Variants in DCAF8L2 observed in about 807,000 individuals in gnomAD.
DCAF8L2 encodes the protein DDB1- and CUL4-associated factor 8-like protein 2.
For synonymous variants in DCAF8L2, 200 were observed against 190.9 expected (o/e 1.05, Z -0.39); for missense variants, 430 against 490.7 (o/e 0.88, Z 1.17).
intron 4 of DCAF8L2, among the ~76,000 whole-genome samples, chrX:27,718,994 T>C (rs1310332533): frequency 8.9e-6 from 1 of 111,949 alleles, no homozygotes; most frequent in African/African-American, 3.2e-5. Context: ...ATATATCCTA[T>C]TGCTTCTGTT....
intron 4 of DCAF8L2, among the ~76,000 whole-genome samples, chrX:27,730,591 T>C (rs1921134380): frequency 9.1e-6 from 1 of 110,424 alleles, no homozygotes; most frequent in Non-Finnish European, 1.9e-5. Flanking sequence ...CTAATTTTTG[T>C]ATTTTTAGTA....
intron 4 of DCAF8L2, among the ~76,000 whole-genome samples, chrX:27,722,098 A>G (rs1377976048): frequency 8.9e-6 from 1 of 112,251 alleles, no homozygotes; most frequent in Non-Finnish European, 1.9e-5. Context: ...GAACATTTTC[A>G]TTTATCTCTC....
In DCAF8L2 at chrX:27,637,263, A is replaced by G. The variant is rs780250889; in HGVS notation, c.-220+5263A>G. ...TGTTATGTCCTATGGAGTTCCTACCACCAGTACTCAGGGCTTCTGAAATTT... is the reference window on the plus strand; with the variant it reads ...TGTTATGTCCTATGGAGTTCCTACCGCCAGTACTCAGGGCTTCTGAAATTT... On this transcript the variant is annotated intron_variant, in intron 2 of 4. Transcript: ENST00000451261. Among the ~76,000 whole-genome samples, 89 of 112,013 alleles carry G rather than the reference A, an allele frequency of 7.9e-4. 1 individual carries two copies. Among genetic ancestry groups the G allele is most frequent in the African/African-American group, 2.8e-3 (87 of 30,844 alleles).
At chrX:27,738,613 A>G (rs1921669757) in intron 4 of DCAF8L2, among the ~76,000 whole-genome samples, 1 of 112,259 alleles carries the variant, frequency 8.9e-6, no homozygotes, top group Non-Finnish European at 1.9e-5. Context: ...TGCCTACACC[A>G]TTCCTGTCCT....
chrX:27,592,747 A>G (rs777064405), intron 1 of DCAF8L2, among the ~76,000 whole-genome samples: 2 of 108,319 alleles, frequency 1.8e-5, no homozygotes, highest in African/African-American at 6.8e-5. Context: ...GCCAGTGGGC[A>G]TTGTTTTTTA....
At chrX:27,731,241 T>C (rs930021129) in intron 4 of DCAF8L2, among the ~76,000 whole-genome samples, 3 of 108,980 alleles carry the variant, frequency 2.8e-5, no homozygotes, top group Non-Finnish European at 5.7e-5. Context: ...CTGTCTCTAC[T>C]TAAAAAAAAA....
At chrX:27,542,533 CTTTTTTT>C in the DCAF8L2 span, among the ~76,000 whole-genome samples, 7 of 33,453 alleles carry the variant, frequency 2.1e-4, no homozygotes, top group African/African-American at 8.4e-4. Context: ...CCTTTGCCTA[CTTTTTTT>C]TTTTTTTTTT....
chrX:27,592,366 TC>T (rs962292149), intron 1 of DCAF8L2, among the ~76,000 whole-genome samples: 1 of 110,886 alleles, frequency 9.0e-6, no homozygotes, highest in Non-Finnish European at 1.9e-5. Flanking sequence ...CCTGCCATTC[TC>T]CCCAGGAGGT....
At chrX:27,610,498 C>A (rs1359019617) in intron 1 of DCAF8L2, among the ~76,000 whole-genome samples, 2 of 110,976 alleles carry the variant, frequency 1.8e-5, no homozygotes, top group Admixed American at 1.9e-4. Context: ...GACAAAAATC[C>A]ACAATGTACA....
intron 1 of DCAF8L2, among the ~76,000 whole-genome samples, chrX:27,606,324 ATATATATATATAGGAAT>A (rs1926885310): frequency 1.4e-5 from 1 of 71,405 alleles, no homozygotes; most frequent in South Asian, 5.7e-4. Flanking sequence ...TATAGGAATT[ATATATATATATAGGAAT>A]TATATATATA....
intron 4 of DCAF8L2, among the ~76,000 whole-genome samples, chrX:27,735,683 G>A (rs900551861): frequency 9.0e-6 from 1 of 111,590 alleles, no homozygotes; most frequent in Non-Finnish European, 1.9e-5. Flanking sequence ...TATTAAGAAT[G>A]GGGTCTGCAG....
the DCAF8L2 span, among the ~76,000 whole-genome samples, chrX:27,526,533 T>C: frequency 8.9e-6 from 1 of 112,894 alleles, no homozygotes; most frequent in African/African-American, 3.2e-5. Context: ...CTCGTCAAAG[T>C]CATTCTCCAT....
chrX:27,551,150 C>A, the DCAF8L2 span, among the ~76,000 whole-genome samples: 2 of 108,684 alleles, frequency 1.8e-5, no homozygotes, highest in Admixed American at 2.0e-4. Flanking sequence ...TTCCCTGAAG[C>A]ACAACAATAT....
At chrX:27,670,186 G>GTT (rs1205883969) in intron 2 of DCAF8L2, among the ~76,000 whole-genome samples, 2 of 104,476 alleles carry the variant, frequency 1.9e-5, no homozygotes, top group Non-Finnish European at 3.9e-5. Context: ...TTGTTTGTTT[G>GTT]TTTGTTTGTT....
intron 4 of DCAF8L2, among the ~76,000 whole-genome samples, chrX:27,741,694 A>G (rs1921863172): frequency 9.0e-6 from 1 of 111,581 alleles, no homozygotes; most frequent in Non-Finnish European, 1.9e-5. Flanking sequence ...ATGGCTTCCT[A>G]TATACGGTAT....
chrX:27,747,096 C>G lies in DCAF8L2; in HGVS notation c.201C>G (p.Ser67Arg). ...SRDGGFPNDASTENRSSDQES... is the reference protein window; with the variant it reads ...SRDGGFPNDARTENRSSDQES... ...ATGGTGGATTCCCCAACGATGCCAGCACAGAAAATCGAAGCTCAGACCAAG... is the reference window on the plus strand; with the variant it reads ...ATGGTGGATTCCCCAACGATGCCAGGACAGAAAATCGAAGCTCAGACCAAG... The change falls in exon 5 of 5, where the codon AGC becomes AGG. Residue 67 changes from serine (S) to arginine (R), a missense_variant. Physicochemically the swap from Ser to Arg is moderately radical, Grantham distance 110. Transcript: ENST00000451261. The G allele has an allele frequency of 8.6e-7, 1 of 1,167,801 alleles. No individual in the cohort carries two copies. The highest frequency in any genetic ancestry group is 1.8e-5 in the African/African-American group (1 of 56,229).
intron 1 of DCAF8L2, among the ~76,000 whole-genome samples, chrX:27,623,259 C>T (rs1927865583): frequency 9.0e-6 from 1 of 110,788 alleles, no homozygotes; most frequent in African/African-American, 3.3e-5. Context: ...GGAAAAAAAA[C>T]TGAAAAATCC....
At chrX:27,583,800 G>A in the DCAF8L2 span, among the ~76,000 whole-genome samples, 2 of 111,785 alleles carry the variant, frequency 1.8e-5, no homozygotes, top group Non-Finnish European at 1.9e-5. Flanking sequence ...TCCAGTCCAT[G>A]GAAAAATTGT....
the DCAF8L2 span, among the ~76,000 whole-genome samples, chrX:27,520,833 T>A: frequency 8.9e-6 from 1 of 112,163 alleles, no homozygotes; most frequent in Non-Finnish European, 1.9e-5. Flanking sequence ...GGCCATTTTC[T>A]TCCTAGAAAT....
Sources: gnomAD v4.1 joint callset for allele counts (sites outside exome capture counted in the v4.1 genomes callset) on GRCh38, gnomAD v4.1.1 for gene constraint, MANE v1.5 for transcripts, NCBI Gene and HGNC (gene_info 2026-07-23, HGNC 2026-07-21) for gene names.